Variants in SENP7 observed in about 807,000 individuals in gnomAD.
The protein encoded by SENP7 is SUMO specific peptidase 7.
A neutral mutation model predicts 141.2 loss-of-function variants in SENP7; 64 were observed. The observed-to-expected ratio is 0.45, with a 90% CI of 0.37 to 0.56. The LOEUF (loss-of-function observed/expected upper bound fraction) is 0.56. Ranked by LOEUF, SENP7 falls within the 20% of genes least tolerant of loss-of-function variation. The pLI, the probability that SENP7 is intolerant of heterozygous loss-of-function variation, is 0.00. For synonymous variants in SENP7, 382 were observed against 426.4 expected (o/e 0.90, Z 1.28); for missense variants, 1,025 against 1,212.2 (o/e 0.85, Z 2.29).
intron 3 of SENP7, among the ~76,000 whole-genome samples, chr3:101,479,459 A>T (rs9852096): frequency 1.3e-5 from 2 of 151,956 alleles, no homozygotes; most frequent in African/African-American, 2.4e-5. Flanking sequence ...AATAAAAATT[A>T]GCCAGGCATG....
At chr3:101,449,728 A>G (rs1461983279) in intron 4 of SENP7, among the ~76,000 whole-genome samples, 3 of 152,218 alleles carry the variant, frequency 2.0e-5, no homozygotes, top group African/African-American at 4.8e-5. Context: ...AGCACTAAAC[A>G]TGGAAAGGAA....
At chr3:101,409,925 T>G (rs4683898) in intron 5 of SENP7, among the ~76,000 whole-genome samples, 1 of 151,906 alleles carries the variant, frequency 6.6e-6, no homozygotes, top group Non-Finnish European at 1.5e-5. Flanking sequence ...AAAAACAAAG[T>G]TAAATTGCTC....
intron 3 of SENP7, among the ~76,000 whole-genome samples, chr3:101,470,990 T>G (rs891012099): frequency 1.8e-4 from 27 of 151,966 alleles, no homozygotes; most frequent in Admixed American, 5.3e-4. Context: ...CACTGCTCAA[T>G]GAAATAAAAG....
chr3:101,408,496 C>T (rs1482363153), intron 5 of SENP7, among the ~76,000 whole-genome samples: 1 of 152,056 alleles, frequency 6.6e-6, no homozygotes, highest in Non-Finnish European at 1.5e-5. Context: ...AAACTACAGA[C>T]CAATACCCCT....
intron 1 of SENP7, among the ~76,000 whole-genome samples, chr3:101,511,568 G>C (rs943668840): frequency 1.3e-5 from 2 of 152,150 alleles, no homozygotes; most frequent in South Asian, 4.1e-4. Flanking sequence ...CTACATGTAT[G>C]TATAAATATA....
At chr3:101,368,404 G>C (rs1339871319) in intron 7 of SENP7, among the ~76,000 whole-genome samples, 1 of 151,454 alleles carries the variant, frequency 6.6e-6, no homozygotes, top group Non-Finnish European at 1.5e-5. Context: ...CCATAAAAAA[G>C]GATGAGTTCA....
chr3:101,361,776 T>TC lies in SENP7; in HGVS notation c.1561dup (p.Asp521GlyfsTer11). On this transcript the variant is annotated frameshift_variant, in exon 11 of 24. Coordinates refer to ENST00000394095, the MANE Select transcript of SENP7 (RefSeq NM_020654.5). LOFTEE classifies it high-confidence loss of function. Reference sequence around the variant, plus strand: ...AATATAAACAGAAGTAAATATAAAATCCAGTTGTAGATCCATCTCATTACT... The same window carrying TC: ...AATATAAACAGAAGTAAATATAAAATCCCAGTTGTAGATCCATCTCATTACT... The TC allele has an allele frequency of 6.2e-7, 1 of 1,607,502 alleles. No individual in the cohort carries two copies. The highest frequency in any genetic ancestry group is 8.5e-7 in the Non-Finnish European group (1 of 1,177,734).
Position 101,348,015 on chromosome 3 carries a change from G to T in SENP7, c.1694C>A (p.Thr565Lys). The T allele has an allele frequency of 6.2e-7, 1 of 1,605,650 alleles. No homozygotes were observed. Among genetic ancestry groups the T allele is most frequent in the Non-Finnish European group, 8.5e-7 (1 of 1,176,718 alleles). The change falls in exon 13 of 24, where the codon ACA becomes AAA. Residue 565 changes from threonine (T) to lysine (K), a missense_variant. Coordinates refer to ENST00000394095, the MANE Select transcript of SENP7 (RefSeq NM_020654.5). ...CCATAACCCAAACCGCTTTAAATGT[G>T]TGGTATCCACTAGCAATGAAATCTC... ...LNEISLLVDT[T>K]HLKRFGLWKS...
chr3:101,423,954 A>G (rs1288932335), intron 4 of SENP7, among the ~76,000 whole-genome samples: 3 of 152,186 alleles, frequency 2.0e-5, no homozygotes, highest in Non-Finnish European at 4.4e-5. Context: ...TGTGGAGCCC[A>G]GAAGGTTTGG....
intron 6 of SENP7, among the ~76,000 whole-genome samples, chr3:101,377,095 AC>A (rs1286219683): frequency 2.6e-5 from 4 of 152,166 alleles, no homozygotes; most frequent in Non-Finnish European, 4.4e-5. Flanking sequence ...TACATGGTAA[AC>A]TTTTAATAAA....
intron 6 of SENP7, among the ~76,000 whole-genome samples, chr3:101,394,653 CT>C (rs2060914161): frequency 6.6e-6 from 1 of 151,974 alleles, no homozygotes; most frequent in African/African-American, 2.4e-5. Context: ...GCTGGGACTT[CT>C]TTTTAAAATT....
At chr3:101,412,479 T>C (rs1352520438) in intron 5 of SENP7, among the ~76,000 whole-genome samples, 1 of 152,104 alleles carries the variant, frequency 6.6e-6, no homozygotes, top group Non-Finnish European at 1.5e-5. Context: ...GCTTTAAAAA[T>C]CTTAAAATGA....
At position 101,332,793 on chromosome 3, in the gene SENP7, G is replaced by A. The variant is rs1481209810; in HGVS notation, c.2550C>T (p.Tyr850=). ...ACGACTCATTTACAGGTACAAAGAT[G>A]TAATCTTTATTAAAAATGTTTATGT... ...TRHINIFNKD[Y]IFVPVNESSH... The change falls in exon 18 of 24, where the codon TAC becomes TAT. Residue 850 remains tyrosine (Y), a synonymous_variant. Transcript: ENST00000394095. 6 of 1,552,550 alleles carry A rather than the reference G, an allele frequency of 3.9e-6. No homozygotes were observed. The highest frequency in any genetic ancestry group is 5.2e-6 in the Non-Finnish European group (6 of 1,154,156).
intron 5 of SENP7, among the ~76,000 whole-genome samples, chr3:101,416,047 ATCAC>A (rs2061611774): frequency 6.6e-6 from 1 of 152,212 alleles, no homozygotes. Context: ...AGTAGTGTCA[ATCAC>A]TCAGATAGAG....
At chr3:101,462,008 T>C (rs1559862665) in intron 3 of SENP7, among the ~76,000 whole-genome samples, 2 of 152,232 alleles carry the variant, frequency 1.3e-5, no homozygotes, top group East Asian at 1.9e-4. Flanking sequence ...GGCTGGGAAG[T>C]TGGCAGAATA....
At chr3:101,338,123 A>G (rs1448316912) in intron 16 of SENP7, among the ~76,000 whole-genome samples, 1 of 150,800 alleles carries the variant, frequency 6.6e-6, no homozygotes, top group Non-Finnish European at 1.5e-5. Context: ...ACTGCACTGT[A>G]GCCTGGGTGA....
At chr3:101,463,396 T>TATATATAC (rs1320861204) in intron 3 of SENP7, among the ~76,000 whole-genome samples, 31 of 82,818 alleles carry the variant, frequency 3.7e-4, no homozygotes, top group African/African-American at 1.5e-3. Context: ...TATATATATA[T>TATATATAC]ACATATATAT....
At position 101,399,040 on chromosome 3, in the gene SENP7, T is replaced by C. The variant is rs147586005; in HGVS notation, c.498A>G (p.Ile166Met). The change falls in exon 6 of 24, where the codon ATA becomes ATG. Residue 166 changes from isoleucine (I) to methionine (M), a missense_variant. This residue lies in a region of SENP7 where 496 missense variants were observed against 503.5 expected (regional missense o/e 0.99). Transcript: ENST00000394095. Reference sequence around the variant, plus strand: ...ACTCCGTTCCCAGGACATTCGTCAATATAACTCTGGGTATCCTGTCACATA... The same window carrying C: ...ACTCCGTTCCCAGGACATTCGTCAACATAACTCTGGGTATCCTGTCACATA... The part of the protein sequence containing the change: ...LNLSERIPRV[I>M]LTNVLGTELG... The C allele has an allele frequency of 1.9e-5, 30 of 1,611,108 alleles. No individual in the cohort carries two copies. The highest frequency in any genetic ancestry group is 2.4e-5 in the Non-Finnish European group (28 of 1,178,344).
intron 5 of SENP7, among the ~76,000 whole-genome samples, chr3:101,415,449 G>A (rs1317083803): frequency 6.7e-6 from 1 of 148,794 alleles, no homozygotes; most frequent in African/African-American, 2.4e-5. Context: ...AGAGAAAGGG[G>A]TTTTGATTGT....
Sources: allele counts gnomAD v4.1 joint callset (sites outside exome capture counted in the v4.1 genomes callset), GRCh38; gene constraint gnomAD v4.1.1; regional missense constraint gnomAD v4.1.1; transcripts MANE v1.5; gene names NCBI Gene and HGNC (gene_info 2026-07-23, HGNC 2026-07-21).